The following IDUA variants were observed in gnomAD, a reference collection of about 807,000 sequenced individuals.
IDUA encodes the protein iduronidase alpha-L-.
Under a neutral mutation model 68.9 loss-of-function variants are expected in IDUA, and 65 were observed. That is an observed-to-expected ratio of 0.94 (90% CI 0.77 to 1.16). IDUA has a LOEUF of 1.16. IDUA is among the 50% of genes most tolerant of loss of function. The pLI, the probability that IDUA is intolerant of heterozygous loss-of-function variation, is 0.00. For synonymous variants in IDUA, 529 were observed against 433.6 expected (o/e 1.22, Z -2.73); for missense variants, 1,046 against 938.0 (o/e 1.12, Z -1.50).
At chr4:989,566 CA>C in intron 2 of IDUA, 1 of 1,589,850 alleles carries the variant, frequency 6.3e-7, no homozygotes, top group South Asian at 1.1e-5. Flanking sequence ...CGGGAGGTCC[CA>C]CACCTTGCGC....
intron 2 of IDUA, among the ~76,000 whole-genome samples, chr4:998,366 T>C (rs1194603478): frequency 6.6e-6 from 1 of 152,070 alleles, no homozygotes; most frequent in East Asian, 1.9e-4. Flanking sequence ...TGCTGTGGCA[T>C]GGGGAGACTG....
rs902165504 is a variant in IDUA at position 1,000,362 on chromosome 4, C to T, written c.300-250C>T. ...GTGCCACTGAGCCTCAGAGCCATTC[C>T]GAACCCCCACCCCAAGTTTTCCATC... On this transcript the variant is annotated intron_variant, in intron 2 of 13. Transcript: ENST00000514224. Among the ~76,000 whole-genome samples the T allele has an allele frequency of 5.9e-5, 9 of 152,218 alleles. No individual in the cohort carries two copies. In the South Asian group the frequency reaches 6.2e-4, roughly 10 times the overall value.
At chr4:995,779 G>A (rs1714711114) in intron 2 of IDUA, among the ~76,000 whole-genome samples, 1 of 152,238 alleles carries the variant, frequency 6.6e-6, no homozygotes, top group African/African-American at 2.4e-5. Context: ...CGTCTGCCAA[G>A]CGCTGCTAGT....
At chr4:990,344 G>T (rs764978474) in intron 2 of IDUA, 2 of 1,601,408 alleles carry the variant, frequency 1.2e-6, no homozygotes, top group Admixed American at 1.7e-5. Context: ...AAGCCCAGCC[G>T]GAGGACGCCC....
intron 2 of IDUA, chr4:989,428 C>A (rs201106151): frequency 6.4e-7 from 1 of 1,554,954 alleles, no homozygotes; most frequent in Non-Finnish European, 8.7e-7. Context: ...GCGTTGGGTG[C>A]GGCCGGCCAG....
chr4:988,744 C>A (rs2153016099), intron 2 of IDUA: 1 of 1,433,970 alleles, frequency 7.0e-7, no homozygotes, highest in East Asian at 2.5e-5. Flanking sequence ...TGGGTGGCTC[C>A]TCCCTGGGAA....
chr4:997,831 C>T (rs934490408), intron 2 of IDUA, among the ~76,000 whole-genome samples: 2 of 152,220 alleles, frequency 1.3e-5, no homozygotes, highest in Non-Finnish European at 2.9e-5. Context: ...GGGCTCCCCT[C>T]GCTGCGAGGC....
At chr4:1,001,149 G>A (rs1297834754) in intron 4 of IDUA, 160 bp downstream of exon 4, 5 of 650,110 alleles carry the variant, frequency 7.7e-6, no homozygotes, top group African/African-American at 3.6e-5. Flanking sequence ...GTTGGTGGTC[G>A]GCGCAGGCCC....
chr4:996,573 G>A (rs569551448), intron 2 of IDUA, among the ~76,000 whole-genome samples: 1 of 152,296 alleles, frequency 6.6e-6, no homozygotes, highest in Admixed American at 6.5e-5. Context: ...CGTAGTTCAG[G>A]AACAGCCTCA....
Position 1,000,896 on chromosome 4 carries a change from G to A in IDUA, c.400G>A (p.Gly134Ser). ...NQLLPGFELM[G>S]SASGHFTDFE... Reference sequence around the variant, plus strand: ...CTGTGTTCCAGGGTTTGAGCTGATGGGCAGCGCCTCGGGCCACTTCACTGA... The same window carrying A: ...CTGTGTTCCAGGGTTTGAGCTGATGAGCAGCGCCTCGGGCCACTTCACTGA... The change falls in exon 4 of 14, where the codon GGC becomes AGC. Residue 134 changes from glycine to serine, a missense_variant. Gly to Ser is a moderately conservative substitution (Grantham distance 56). Coordinates refer to ENST00000514224, the MANE Select transcript of IDUA (RefSeq NM_000203.5). The A allele has an allele frequency of 6.2e-7, 1 of 1,613,270 alleles. No individual in the cohort carries two copies. Among genetic ancestry groups the A allele is most frequent in the Middle Eastern group, 1.6e-4 (1 of 6,062 alleles).
rs536902585 is a variant in IDUA, at chr4:998,982, A to G, written c.300-1630A>G. Among the ~76,000 whole-genome samples the G allele has an allele frequency of 1.3e-4, 20 of 152,180 alleles. No individual in the cohort carries two copies. The South Asian group carries it at 4.1e-3, about 32-fold the overall frequency. ...ATGCTCTGGAAGCCAAGGTGGGCGGATCACGAGGTCAGGAAATGGAAACCA... is the reference window on the plus strand; with the variant it reads ...ATGCTCTGGAAGCCAAGGTGGGCGGGTCACGAGGTCAGGAAATGGAAACCA... On this transcript the variant is annotated intron_variant, in intron 2 of 13. Transcript: ENST00000514224.
chr4:991,013 G>T, intron 2 of IDUA: 1 of 1,103,062 alleles, frequency 9.1e-7, no homozygotes, highest in Non-Finnish European at 1.3e-6. Flanking sequence ...TGCTGTCTTG[G>T]GCCAGCACCT....
chr4:1,001,568 G>C lies in IDUA; in HGVS notation c.589+5G>C. ...ACGTCTCCATGACCATGCAAGGTGT[G>C]CACCGCTTCCTGGGGTCCTGCCCGG... On this transcript the variant is annotated splice_donor_5th_base_variant and intron_variant, in intron 5 of 13. Transcript: ENST00000514224. The C allele has an allele frequency of 6.2e-7, 1 of 1,612,946 alleles. No homozygotes were observed. Among genetic ancestry groups the C allele is most frequent in the African/African-American group, 1.3e-5 (1 of 75,046 alleles).
At chr4:991,751 T>C in intron 2 of IDUA, 3 of 1,530,846 alleles carry the variant, frequency 2.0e-6, no homozygotes, top group Non-Finnish European at 2.6e-6. Context: ...GAAGAGGGCA[T>C]GGTCACAGGA....
In IDUA at chr4:1,003,129, A is replaced by G. The variant is rs1431468883; in HGVS notation, c.1496A>G (p.Glu499Gly). The G allele has an allele frequency of 5.4e-6, 8 of 1,486,432 alleles. No individual in the cohort carries two copies. The highest frequency in any genetic ancestry group is 6.2e-6 in the Non-Finnish European group (7 of 1,125,028). The allele number at this position is 1,486,432 out of a possible 1,614,324, so 92.1% of individuals were successfully genotyped here. ...RLGRPVFPTA[E>G]QFRRMRAAED... ...GGCCGGCCCGTCTTCCCCACGGCAG[A>G]GCAGTTCCGGCGCATGCGCGCGGCT... is the stretch of plus-strand genomic sequence containing the variant. The change falls in exon 10 of 14, where the codon GAG (glutamate) becomes GGG (glycine). Residue 499 changes from glutamate to glycine, a missense_variant. Physicochemically the swap from Glu to Gly is moderately conservative, Grantham distance 98. Transcript: ENST00000514224.
intron 1 of IDUA, 93 bp from the exon 2 acceptor site, chr4:987,692 ACGCACGGGCAGCGCCTGGATCCTG>A: frequency 6.5e-7 from 1 of 1,530,286 alleles, no homozygotes; most frequent in East Asian, 2.4e-5. Context: ...TAGTCACTGA[ACGCACGGGCAGCGCCTGGATCCTG>A]CGCCCGGGCA....
At chr4:1,000,437 A>G (rs1025847758) in intron 2 of IDUA, among the ~76,000 whole-genome samples, 175 bp from the exon 3 acceptor site, 2 of 152,224 alleles carry the variant, frequency 1.3e-5, no homozygotes, top group Non-Finnish European at 2.9e-5. Flanking sequence ...ACTCTAGTTC[A>G]TACCAGGCCT....
Position 1,001,459 on chromosome 4 carries a change from C to T in IDUA, c.494-9C>T, listed in dbSNP as rs1488371363. The T allele has an allele frequency of 4.3e-6, 7 of 1,611,830 alleles. No individual in the cohort carries two copies. The East Asian group carries it at 6.7e-5, about 15-fold the overall frequency. ...CCTGTGCTGGGGGGACAGCAAGGCT[C>T]CTCTGCAGGTAGGTACGGACTGGCG... is the stretch of plus-strand genomic sequence containing the variant. On this transcript the variant is annotated splice_polypyrimidine_tract_variant and intron_variant, in intron 4 of 13. Coordinates refer to ENST00000514224, the MANE Select transcript of IDUA (RefSeq NM_000203.5).
rs1173699754 is a variant in IDUA, at chr4:1,004,297, C to T, written c.1866C>T (p.Ala622=). 1 of 1,611,100 alleles carries T rather than the reference C, an allele frequency of 6.2e-7. No individual in the cohort carries two copies. Among genetic ancestry groups the T allele is most frequent in the South Asian group, 1.1e-5 (1 of 91,078 alleles). ...GAVSGSYRVR[A]LDYWARPGPF... ...TCTCTGGCTCCTACCGAGTTCGAGC[C>T]CTGGACTACTGGGCCCGACCAGGCC... The change falls in exon 14 of 14, where the codon GCC becomes GCT. Residue 622 remains alanine (A), a synonymous_variant. Coordinates refer to ENST00000514224, the MANE Select transcript of IDUA (RefSeq NM_000203.5). The surrounding 1 kb of genome is among the most constrained non-coding windows in gnomAD (Gnocchi z 5.0).
Sources: allele counts gnomAD v4.1 joint callset (sites outside exome capture counted in the v4.1 genomes callset), GRCh38; gene constraint gnomAD v4.1.1; non-coding constraint Gnocchi (gnomAD v3.1); transcripts MANE v1.5; gene names NCBI Gene and HGNC (gene_info 2026-07-23, HGNC 2026-07-21).